TNR: variants seen among roughly 807,000 people sequenced by gnomAD.
The protein encoded by TNR is tenascin-R.
In TNR, 45 loss-of-function variants were observed where a neutral mutation model predicts 150.4. That is an observed-to-expected ratio of 0.30 (90% CI 0.24 to 0.38). The LOEUF (loss-of-function observed/expected upper bound fraction) is 0.38, where lower values mean the gene tolerates loss of function less well. TNR is among the 10% of genes least tolerant of loss of function. The pLI, the probability that TNR is intolerant of heterozygous loss-of-function variation, is 1.00. For missense variants in TNR, 1,544 were observed against 1,759.1 expected, an observed-to-expected ratio of 0.88 and a Z score of 2.19; for synonymous variants, 687 against 678.4, an observed-to-expected ratio of 1.01 and a Z score of -0.20.
At chr1:175,327,060 T>C (rs1265913610) in intron 21 of TNR, among the ~76,000 whole-genome samples, 1 of 152,140 alleles carries the variant, frequency 6.6e-6, no homozygotes, top group African/African-American at 2.4e-5. Flanking sequence ...TACTCCTTAA[T>C]GATTATTTCT....
At chr1:175,694,665 G>C (rs1424985460) in intron 1 of TNR, among the ~76,000 whole-genome samples, 1 of 152,200 alleles carries the variant, frequency 6.6e-6, no homozygotes, top group Non-Finnish European at 1.5e-5. Flanking sequence ...CTTATTTGGA[G>C]ATAGGGACTT....
rs1558077924 is a variant in TNR, at chr1:175,696,235, T to TG, written c.-165+46990_-165+46991insC. On this transcript the variant is annotated intron_variant, in intron 1 of 22. Coordinates refer to ENST00000367674, the MANE Select transcript of TNR (RefSeq NM_003285.3). ...TCCTGTAGTTTTTTTTTTTTTTTTTTTTTTTTTTTCCAAAATTTAAGGGAC... is the reference window on the plus strand; with the variant it reads ...TCCTGTAGTTTTTTTTTTTTTTTTTTGTTTTTTTTTCCAAAATTTAAGGGAC... Among the ~76,000 whole-genome samples the TG allele has an allele frequency of 3.8e-5, 5 of 131,466 alleles. No individual in the cohort carries two copies. In the East Asian group the frequency reaches 9.8e-4, roughly 26 times the overall value. 86.2% of individuals were successfully genotyped at this position (131,466 alleles called of 152,430 possible).
At chr1:175,568,688 G>A (rs1481809973) in intron 1 of TNR, among the ~76,000 whole-genome samples, 1 of 152,136 alleles carries the variant, frequency 6.6e-6, no homozygotes, top group Non-Finnish European at 1.5e-5. Flanking sequence ...CTTCATCTCT[G>A]TTCACGGTTT....
intron 1 of TNR, among the ~76,000 whole-genome samples, chr1:175,649,972 A>G (rs1483274849): frequency 6.6e-6 from 1 of 152,134 alleles, no homozygotes; most frequent in Non-Finnish European, 1.5e-5. Flanking sequence ...CCATGTTAAC[A>G]TGTGTTAAAA....
chr1:175,330,998 A>ATTCATTCTTTCTTTCT (rs1649722866), intron 20 of TNR, among the ~76,000 whole-genome samples: 1 of 72,768 alleles, frequency 1.4e-5, no homozygotes, highest in African/African-American at 5.1e-5. Context: ...CCTCTTGGTG[A>ATTCATTCTTTCTTTCT]TTCTTTCTTT....
intron 2 of TNR, among the ~76,000 whole-genome samples, chr1:175,497,267 G>C (rs1342786967): frequency 6.6e-6 from 1 of 152,102 alleles, no homozygotes; most frequent in African/African-American, 2.4e-5. Flanking sequence ...AGCAGAATCC[G>C]CTAACTCTGA....
rs35340891 is a variant in TNR, at chr1:175,431,635, CT to C, written c.-63-24859del. On this transcript the variant is annotated intron_variant, in intron 2 of 22. Transcript: ENST00000367674. ...CCAGGAAAGCTTCCACTGACAATAACTTTTTTTTTTTTTTTTGTAATGGGGC... is the reference window on the plus strand; with the variant it reads ...CCAGGAAAGCTTCCACTGACAATAACTTTTTTTTTTTTTTTGTAATGGGGC... 8.1e-3 allele frequency among the ~76,000 whole-genome samples: 1,157 copies of C among 143,008 alleles called. 9 individuals carry two copies. Among genetic ancestry groups the C allele is most frequent in the African/African-American group, 0.022 (846 of 38,662 alleles). 93.8% of individuals were successfully genotyped at this position (143,008 alleles called of 152,430 possible). A position where few individuals can be genotyped will look rare whatever the true frequency, so the allele number is the denominator to read the frequency against.
At chr1:175,736,722 G>A (rs1233588672) in intron 1 of TNR, among the ~76,000 whole-genome samples, 2 of 151,830 alleles carry the variant, frequency 1.3e-5, no homozygotes, top group East Asian at 3.9e-4. Context: ...AGAGAGAGTG[G>A]AAGAACTTAG....
intron 2 of TNR, among the ~76,000 whole-genome samples, chr1:175,428,374 T>TA (rs1242676255): frequency 6.6e-6 from 1 of 152,214 alleles, no homozygotes; most frequent in Non-Finnish European, 1.5e-5. Flanking sequence ...AGGGAACTGA[T>TA]ATAAGCTACT....
At chr1:175,494,743 G>T (rs1194877447) in intron 2 of TNR, among the ~76,000 whole-genome samples, 1 of 152,170 alleles carries the variant, frequency 6.6e-6, no homozygotes, top group Non-Finnish European at 1.5e-5. Context: ...CCATGTATCT[G>T]TTCCATTTCA....
Position 175,445,343 on chromosome 1 carries a change from A to G in TNR, c.-63-38566T>C, listed in dbSNP as rs371276402. ...AGTTGGATCAGATACCAGATAATTT[A>G]AAGCCTTGTAAGCCAAACAAAGGAA... On this transcript the variant is annotated intron_variant, in intron 2 of 22. Coordinates refer to ENST00000367674, the MANE Select transcript of TNR (RefSeq NM_003285.3). Among the ~76,000 whole-genome samples the G allele has an allele frequency of 1.2e-4, 18 of 152,356 alleles. No individual in the cohort carries two copies. The East Asian group carries it at 1.5e-3, about 13-fold the overall frequency.
intron 1 of TNR, among the ~76,000 whole-genome samples, chr1:175,544,418 C>T (rs1270848808): frequency 6.6e-6 from 1 of 152,094 alleles, no homozygotes; most frequent in Non-Finnish European, 1.5e-5. Flanking sequence ...CAGGGAGGAA[C>T]AATTAAGCCT....
intron 2 of TNR, among the ~76,000 whole-genome samples, chr1:175,513,132 A>T (rs1557979003): frequency 6.6e-6 from 1 of 152,200 alleles, no homozygotes. Context: ...AAATTGGTGG[A>T]TAACATGGTA....
At chr1:175,585,174 A>G (rs1314253847) in intron 1 of TNR, among the ~76,000 whole-genome samples, 1 of 152,232 alleles carries the variant, frequency 6.6e-6, no homozygotes, top group African/African-American at 2.4e-5. Context: ...AGGTGCAGTT[A>G]TCTATATTTG....
chr1:175,448,432 G>A lies in TNR; in HGVS notation c.-63-41655C>T, dbSNP rs538514714. On this transcript the variant is annotated intron_variant, in intron 2 of 22. Transcript: ENST00000367674. The stretch of plus-strand genomic sequence containing the variant: ...TCACTATGTTAGCCAGGATGGTCTC[G>A]ATCTCCTGACCTCGTGATCCGCCCA... Among the ~76,000 whole-genome samples, 8 of 152,122 alleles carry A rather than the reference G, an allele frequency of 5.3e-5. No homozygotes were observed. In the East Asian group the frequency reaches 9.7e-4, roughly 18 times the overall value.
intron 5 of TNR, among the ~76,000 whole-genome samples, chr1:175,394,239 G>A (rs190225504): frequency 1.2e-4 from 18 of 150,662 alleles, no homozygotes; most frequent in African/African-American, 4.4e-4. Flanking sequence ...ATATAGTACA[G>A]TGCCTTTTTC....
At chr1:175,660,383 G>A (rs1377349506) in intron 1 of TNR, among the ~76,000 whole-genome samples, 1 of 152,200 alleles carries the variant, frequency 6.6e-6, no homozygotes, top group Non-Finnish European at 1.5e-5. Context: ...GTCGCCCTGG[G>A]CCCTGCGAGA....
At chr1:175,372,845 A>G (rs1652168588) in intron 9 of TNR, among the ~76,000 whole-genome samples, 1 of 152,196 alleles carries the variant, frequency 6.6e-6, no homozygotes, top group Non-Finnish European at 1.5e-5. Context: ...GCTCAAGTCT[A>G]TGAAACTGAG....
intron 2 of TNR, among the ~76,000 whole-genome samples, chr1:175,420,180 G>A (rs1035382574): frequency 2.0e-5 from 3 of 152,136 alleles, no homozygotes; most frequent in Non-Finnish European, 2.9e-5. Flanking sequence ...CAACTTCAAC[G>A]AGACCTGACC....
Sources: allele counts gnomAD v4.1 joint callset (sites outside exome capture counted in the v4.1 genomes callset), GRCh38; gene constraint gnomAD v4.1.1; transcripts MANE v1.5; gene names NCBI Gene and HGNC (gene_info 2026-07-23, HGNC 2026-07-21).